Variants in CNTNAP2 observed in about 807,000 individuals in gnomAD.
CNTNAP2 encodes contactin-associated protein-like 2.
CNTNAP2 carries 98 observed loss-of-function variants against 155.2 expected under a neutral mutation model. That is an observed-to-expected ratio of 0.63 (90% confidence interval 0.54 to 0.75). The LOEUF (loss-of-function observed/expected upper bound fraction) is 0.75, where lower values mean the gene tolerates loss of function less well. Among genes scored for constraint, CNTNAP2 ranks in the 30% least tolerant of loss-of-function variants. The pLI is 0.00. For missense variants in CNTNAP2, 1,727 were observed against 1,688.1 expected (o/e 1.02, Z -0.40); for synonymous variants, 651 against 631.2 (o/e 1.03, Z -0.47).
At chr7:147,561,637 T>A (rs1048294410) in intron 11 of CNTNAP2, among the ~76,000 whole-genome samples, 3 of 152,140 alleles carry the variant, frequency 2.0e-5, no homozygotes, top group Non-Finnish European at 2.9e-5. Flanking sequence ...AGATTCAAAA[T>A]TACATACTAT....
intron 14 of CNTNAP2, among the ~76,000 whole-genome samples, chr7:147,937,511 CTCAGACTATACATTCTGG>C (rs1448801772): frequency 6.6e-6 from 1 of 152,144 alleles, no homozygotes; most frequent in African/African-American, 2.4e-5. Flanking sequence ...CATCTGAACC[CTCAGACTATACATTCTGG>C]TACCTTAGTT....
At chr7:147,753,347 C>G (rs1797168514) in intron 13 of CNTNAP2, among the ~76,000 whole-genome samples, 1 of 152,160 alleles carries the variant, frequency 6.6e-6, no homozygotes, top group Non-Finnish European at 1.5e-5. Context: ...GTGTGAAATA[C>G]TCTCTTTCTG....
chr7:147,470,148 G>C (rs1468529997), intron 10 of CNTNAP2, among the ~76,000 whole-genome samples: 1 of 152,290 alleles, frequency 6.6e-6, no homozygotes, highest in African/African-American at 2.4e-5. Context: ...ACTTTTAAAG[G>C]ATCAGCCTGG....
intron 3 of CNTNAP2, among the ~76,000 whole-genome samples, chr7:146,892,551 A>G (rs1233842213): frequency 6.6e-6 from 1 of 152,222 alleles, no homozygotes; most frequent in Non-Finnish European, 1.5e-5. Flanking sequence ...GGTTATGGTG[A>G]CTGCCTATCT....
intron 1 of CNTNAP2, among the ~76,000 whole-genome samples, chr7:146,519,316 C>A (rs1181020977): frequency 6.6e-6 from 1 of 151,754 alleles, no homozygotes; most frequent in Non-Finnish European, 1.5e-5. Context: ...AAATCCTGAA[C>A]CATTTGAGGC....
At chr7:147,590,841 G>A (rs1019392240) in intron 12 of CNTNAP2, among the ~76,000 whole-genome samples, 23 of 152,176 alleles carry the variant, frequency 1.5e-4, no homozygotes, top group African/African-American at 5.5e-4. Context: ...AACACAAGTT[G>A]AGTTCATTTT....
intron 3 of CNTNAP2, among the ~76,000 whole-genome samples, chr7:146,845,657 A>G (rs537304578): frequency 1.3e-5 from 2 of 152,266 alleles, no homozygotes; most frequent in East Asian, 1.9e-4. Context: ...ACTCTTATTC[A>G]TGATTGAAAA....
chr7:147,191,402 C>A lies in CNTNAP2; in HGVS notation c.1348+58893C>A, dbSNP rs1802678143. The stretch of plus-strand genomic sequence containing the variant: ...CAAATCCTGAAGTCAAAGTAAATAA[C>A]CCTGTGTAAAAACGCAAAGTTCATG... On this transcript the variant is annotated intron_variant, in intron 8 of 23. Transcript: ENST00000361727. 2.6e-5 allele frequency among the ~76,000 whole-genome samples: 4 copies of A among 152,116 alleles called. No individual in the cohort carries two copies. The South Asian group carries it at 8.3e-4, about 32-fold the overall frequency.
intron 13 of CNTNAP2, among the ~76,000 whole-genome samples, chr7:147,864,045 G>A (rs1025800468): frequency 6.6e-6 from 1 of 151,926 alleles, no homozygotes; most frequent in South Asian, 2.1e-4. Flanking sequence ...TTCTTCTGGG[G>A]TTTTTATGGT....
At chr7:148,095,654 G>A (rs553622060) in intron 15 of CNTNAP2, among the ~76,000 whole-genome samples, 1 of 152,316 alleles carries the variant, frequency 6.6e-6, no homozygotes, top group South Asian at 2.1e-4. Flanking sequence ...CAAAGTTTGT[G>A]AGCCACTGAT....
At chr7:146,758,527 T>C (rs1314583344) in intron 1 of CNTNAP2, among the ~76,000 whole-genome samples, 6 of 152,272 alleles carry the variant, frequency 3.9e-5, no homozygotes, top group East Asian at 1.9e-4. Flanking sequence ...TTTAATGGAC[T>C]CACAGTTCCA....
At chr7:146,125,219 C>G (rs190229045) in intron 1 of CNTNAP2, among the ~76,000 whole-genome samples, 33 of 152,118 alleles carry the variant, frequency 2.2e-4, no homozygotes, top group African/African-American at 7.5e-4. Flanking sequence ...TAAGTTATGA[C>G]TAGTTAAAAG....
intron 1 of CNTNAP2, among the ~76,000 whole-genome samples, chr7:146,395,744 T>C (rs754302174): frequency 1.4e-4 from 21 of 147,288 alleles, no homozygotes; most frequent in Non-Finnish European, 2.0e-4. Context: ...GAGCAGAATA[T>C]AAAGTAAAAT....
chr7:148,099,868 G>GTTTTT (rs751537152), intron 15 of CNTNAP2, among the ~76,000 whole-genome samples: 45 of 88,806 alleles, frequency 5.1e-4, no homozygotes, highest in Admixed American at 6.7e-4. Flanking sequence ...TTTTTTTTTG[G>GTTTTT]TTTTTTTTTT....
intron 3 of CNTNAP2, among the ~76,000 whole-genome samples, chr7:146,900,205 A>G (rs1795965514): frequency 6.6e-6 from 1 of 152,154 alleles, no homozygotes; most frequent in Non-Finnish European, 1.5e-5. Flanking sequence ...CCATCGGGAT[A>G]TTTTTTAGTG....
intron 21 of CNTNAP2, among the ~76,000 whole-genome samples, chr7:148,362,198 TA>T (rs759733791): frequency 2.1e-3 from 117 of 56,674 alleles, no homozygotes; most frequent in African/African-American, 4.9e-3. Context: ...AGACTCCATC[TA>T]AAAAAAAAAA....
chr7:147,944,880 T>A (rs545484895), intron 14 of CNTNAP2, among the ~76,000 whole-genome samples: 2 of 152,354 alleles, frequency 1.3e-5, no homozygotes, highest in East Asian at 3.9e-4. Flanking sequence ...TACACTTTTT[T>A]TAGGCACAGC....
intron 4 of CNTNAP2, among the ~76,000 whole-genome samples, chr7:147,055,103 T>C (rs555583795): frequency 4.8e-4 from 73 of 152,288 alleles, no homozygotes; most frequent in African/African-American, 1.7e-3. Flanking sequence ...TTTGTAAACA[T>C]CTGAATACTC....
chr7:146,262,467 C>A (rs1799932663), intron 1 of CNTNAP2, among the ~76,000 whole-genome samples: 1 of 152,052 alleles, frequency 6.6e-6, no homozygotes, highest in South Asian at 2.1e-4. Context: ...TTTTGTATGC[C>A]TTTTAAGATA....
Sources: gnomAD v4.1 joint callset for allele counts (sites outside exome capture counted in the v4.1 genomes callset) on GRCh38, gnomAD v4.1.1 for gene constraint, MANE v1.5 for transcripts, NCBI Gene and HGNC (gene_info 2026-07-23, HGNC 2026-07-21) for gene names.